PAN3: variants seen among roughly 807,000 people sequenced by gnomAD.
The protein encoded by PAN3 is PAN2-PAN3 deadenylation complex subunit PAN3.
A neutral mutation model predicts 96.2 loss-of-function variants in PAN3; 19 were observed. The observed-to-expected ratio is 0.20, with a 90% confidence interval of 0.14 to 0.29. The LOEUF (loss-of-function observed/expected upper bound fraction) is 0.29. PAN3 is among the 10% of genes least tolerant of loss of function. The pLI is 1.00. For missense variants in PAN3, 882 were observed against 1,108.1 expected, an observed-to-expected ratio of 0.80 and a Z score of 2.90; for synonymous variants, 433 against 406.6, an observed-to-expected ratio of 1.06 and a Z score of -0.78.
At chr13:28,179,157 G>A (rs891176250) in intron 4 of PAN3, among the ~76,000 whole-genome samples, 5 of 152,140 alleles carry the variant, frequency 3.3e-5, no homozygotes, top group Non-Finnish European at 7.3e-5. Context: ...CTCTTATCAT[G>A]GATAAATTTA....
chr13:28,271,016 A>G, intron 13 of PAN3, 150 bp downstream of exon 13: 1 of 918,932 alleles, frequency 1.1e-6, no homozygotes, highest in Non-Finnish European at 1.6e-6. Flanking sequence ...AGCTTTTTAA[A>G]GAAAAAAAAA....
intron 6 of PAN3, among the ~76,000 whole-genome samples, chr13:28,241,962 C>T (rs755829183): frequency 2.0e-4 from 30 of 151,434 alleles, no homozygotes; most frequent in Non-Finnish European, 3.7e-4. Flanking sequence ...TGTAGTTAGA[C>T]ATGACAATTT....
chr13:28,271,793 G>T (rs1180872507), intron 13 of PAN3, among the ~76,000 whole-genome samples, 188 bp from the exon 14 acceptor site: 2 of 152,154 alleles, frequency 1.3e-5, no homozygotes, highest in Non-Finnish European at 1.5e-5. Flanking sequence ...TATATCACTT[G>T]ATATCTCTGA....
rs187574197 is a variant in PAN3, at chr13:28,138,567, C to T, written c.-91C>T. On this transcript the variant is annotated 5_prime_UTR_variant, in exon 1 of 19. Transcript: ENST00000380958. ...CCCACCCGCCCAGGCTTTTATCCGG[C>T]ACCGGCAGCGTCTTCCTTTCCTCCC... 43 of 396,192 alleles carry T rather than the reference C, an allele frequency of 1.1e-4. 1 individual carries two copies. In the Admixed American group the frequency reaches 1.7e-3, roughly 16 times the overall value. The allele number at this position is 396,192 out of a possible 1,614,324, so 24.5% of individuals were successfully genotyped here.
At chr13:28,167,211 T>A (rs947314759) in intron 1 of PAN3, among the ~76,000 whole-genome samples, 1 of 151,820 alleles carries the variant, frequency 6.6e-6, no homozygotes, top group African/African-American at 2.4e-5. Flanking sequence ...CCGTTTTTTA[T>A]TTTGAGACAG....
intron 6 of PAN3, among the ~76,000 whole-genome samples, chr13:28,239,379 A>G (rs754751800): frequency 4.6e-5 from 7 of 152,114 alleles, no homozygotes; most frequent in Non-Finnish European, 1.0e-4. Flanking sequence ...TAGCTATTTA[A>G]CAATCTCACT....
chr13:28,266,904 T>C, intron 10 of PAN3, 28 bp downstream of exon 10: 1 of 1,516,748 alleles, frequency 6.6e-7, no homozygotes, highest in East Asian at 2.3e-5. Context: ...TCTTCTTTTA[T>C]AATCGTATCA....
intron 4 of PAN3, among the ~76,000 whole-genome samples, chr13:28,185,095 T>G (rs11619855): frequency 0.024 from 3,670 of 152,248 alleles, 70 homozygotes; most frequent in Middle Eastern, 0.082. Context: ...TGTTTTTATA[T>G]AATTAATTTG....
chr13:28,186,846 G>A (rs1876537319), intron 4 of PAN3, among the ~76,000 whole-genome samples: 1 of 151,824 alleles, frequency 6.6e-6, no homozygotes, highest in African/African-American at 2.4e-5. Flanking sequence ...ATTTGGTAAG[G>A]GACTGAAATT....
At chr13:28,204,328 A>G (rs1018691591) in intron 5 of PAN3, among the ~76,000 whole-genome samples, 1 of 152,158 alleles carries the variant, frequency 6.6e-6, no homozygotes, top group Non-Finnish European at 1.5e-5. Flanking sequence ...AACATTTTCT[A>G]TTTGTTCTAT....
chr13:28,271,990 A>G lies in PAN3; in HGVS notation c.1968A>G (p.Val656=). 6.4e-7 allele frequency: 1 copy of G among 1,566,326 alleles called. No individual in the cohort carries two copies. Among genetic ancestry groups the G allele is most frequent in the Non-Finnish European group, 8.7e-7 (1 of 1,153,004 alleles). The change falls in exon 14 of 19, where the codon GTA becomes GTG. Residue 656 remains valine, a synonymous_variant. Transcript: ENST00000380958. The part of the protein sequence containing the change: ...ILITGKTRLR[V]NCVGVFDVLT... ...TATCTGGTCCTTAAAGGTTGCGAGT[A>G]AATTGTGTTGGAGTTTTTGATGTTT...
intron 6 of PAN3, among the ~76,000 whole-genome samples, chr13:28,246,798 G>A (rs988500641): frequency 2.0e-5 from 3 of 151,934 alleles, no homozygotes; most frequent in African/African-American, 7.3e-5. Context: ...TTGTATGTAT[G>A]TACCACATTT....
chr13:28,142,465 C>T (rs1008941121), intron 1 of PAN3, among the ~76,000 whole-genome samples: 1 of 150,392 alleles, frequency 6.6e-6, no homozygotes, highest in Non-Finnish European at 1.5e-5. Context: ...CCACATCTGG[C>T]CTTCATTGGT....
At chr13:28,196,748 GA>G (rs1878104732) in intron 4 of PAN3, among the ~76,000 whole-genome samples, 1 of 152,174 alleles carries the variant, frequency 6.6e-6, no homozygotes, top group Middle Eastern at 3.4e-3. Context: ...ATGGTGAGCT[GA>G]AAAAGTTGTA....
At chr13:28,215,985 T>G (rs1459184833) in intron 5 of PAN3, 1 of 773,180 alleles carries the variant, frequency 1.3e-6, no homozygotes, top group Non-Finnish European at 2.2e-6. Context: ...CCATTTAAGT[T>G]AATAGTAAAA....
intron 5 of PAN3, 69 bp downstream of exon 5, chr13:28,197,415 G>A (rs1878190558): frequency 2.8e-6 from 4 of 1,436,750 alleles, no homozygotes; most frequent in Non-Finnish European, 3.8e-6. Flanking sequence ...TCTGTTTGGG[G>A]TGGTGGTTGT....
rs1869972450 is a variant in PAN3 at position 28,293,281 on chromosome 13, A to G, written c.*759A>G. 6.6e-6 allele frequency: 1 copy of G among 151,888 alleles called. No individual in the cohort carries two copies. Among genetic ancestry groups the G allele is most frequent in the Non-Finnish European group, 1.5e-5 (1 of 67,984 alleles). The allele number at this position is 151,888 out of a possible 1,614,324, so 9.4% of individuals were successfully genotyped here. On this transcript the variant is annotated 3_prime_UTR_variant, in exon 19 of 19. Transcript: ENST00000380958. ...AAAAAGACATTTGCCTGCTAGTCAG[A>G]TACATTTACATTTATGCAAATTTTT...
chr13:28,139,007 C>T lies in PAN3; in HGVS notation c.350C>T (p.Pro117Leu), dbSNP rs1869199136. ...GAGPPPGPKK[P>L]DLGDPGTGAA... ...GGGCCGCCCCCCGGGCCCAAGAAGC[C>T]GGACCTGGGGGACCCGGGGACCGGA... is the stretch of plus-strand genomic sequence containing the variant. Residue 117 changes from proline to leucine, a missense_variant, in exon 1 of 19, where the codon CCG becomes CTG. Transcript: ENST00000380958. 19 of 1,273,730 alleles carry T rather than the reference C, an allele frequency of 1.5e-5. No homozygotes were observed. The highest frequency in any genetic ancestry group is 1.8e-5 in the Non-Finnish European group (18 of 1,010,318). 78.9% of individuals were successfully genotyped at this position (1,273,730 alleles called of 1,614,324 possible). A position where few individuals can be genotyped will look rare whatever the true frequency, so the allele number is the denominator to read the frequency against.
At chr13:28,291,868 A>T (rs1316207519) in intron 18 of PAN3, among the ~76,000 whole-genome samples, 1 of 152,128 alleles carries the variant, frequency 6.6e-6, no homozygotes, top group Admixed American at 6.5e-5. Flanking sequence ...TTATAAATTC[A>T]TGGTGTCTGA....
Sources: gnomAD v4.1 joint callset for allele counts (sites outside exome capture counted in the v4.1 genomes callset) on GRCh38, gnomAD v4.1.1 for gene constraint, MANE v1.5 for transcripts, NCBI Gene and HGNC (gene_info 2026-07-23, HGNC 2026-07-21) for gene names.